The following PLXNA4 variants were observed in gnomAD, a reference collection of about 807,000 sequenced individuals.
PLXNA4 encodes the protein plexin A4.
PLXNA4 carries 44 observed loss-of-function variants against 191.8 expected under a neutral mutation model. That is an observed-to-expected ratio of 0.23 (90% confidence interval 0.18 to 0.29). The LOEUF (loss-of-function observed/expected upper bound fraction) is 0.29. Among genes scored for constraint, PLXNA4 ranks in the 10% least tolerant of loss-of-function variants. The pLI, the probability that PLXNA4 is intolerant of heterozygous loss-of-function variation, is 1.00. For synonymous variants in PLXNA4, 1,082 were observed against 1,009.5 expected (o/e 1.07, Z -1.36); for missense variants, 1,800 against 2,488.8 (o/e 0.72, Z 5.89).
chr7:132,338,482 T>A (rs900789411), intron 3 of PLXNA4, among the ~76,000 whole-genome samples: 1 of 152,272 alleles, frequency 6.6e-6, no homozygotes, highest in East Asian at 1.9e-4. Flanking sequence ...TGTAATATGA[T>A]GTCAGTAAAA....
chr7:132,164,315 A>G (rs1433338539), intron 23 of PLXNA4, 27 bp from the exon 24 acceptor site: 58 of 1,612,032 alleles, frequency 3.6e-5, no homozygotes, highest in Non-Finnish European at 4.8e-5. Context: ...CGTCATTAGG[A>G]GGAGCTCTTG....
chr7:132,341,428 A>G (rs766938856), intron 3 of PLXNA4, among the ~76,000 whole-genome samples: 2 of 152,238 alleles, frequency 1.3e-5, no homozygotes, highest in Admixed American at 6.5e-5. Flanking sequence ...ATTGTGAGGG[A>G]AAAATGTGTC....
chr7:132,355,483 G>A (rs1387322812), intron 3 of PLXNA4, among the ~76,000 whole-genome samples: 1 of 152,200 alleles, frequency 6.6e-6, no homozygotes, highest in African/African-American at 2.4e-5. Flanking sequence ...AGCAAAAAGT[G>A]CACCCCACTT....
At chr7:132,135,501 C>A (rs1021605759) in intron 30 of PLXNA4, among the ~76,000 whole-genome samples, 3 of 152,100 alleles carry the variant, frequency 2.0e-5, no homozygotes, top group African/African-American at 7.2e-5. Flanking sequence ...TTATAGTCCC[C>A]GAGGTGTAAG....
At chr7:132,642,425 G>A (rs962061691) in intron 2 of PLXNA4, among the ~76,000 whole-genome samples, 2 of 151,994 alleles carry the variant, frequency 1.3e-5, no homozygotes, top group Non-Finnish European at 2.9e-5. Flanking sequence ...GGGATGAACA[G>A]GGTTGCCCTT....
chr7:132,378,710 G>C (rs912058747), intron 3 of PLXNA4, among the ~76,000 whole-genome samples: 1 of 152,102 alleles, frequency 6.6e-6, no homozygotes, highest in Non-Finnish European at 1.5e-5. Context: ...TTATTGAAAA[G>C]TCCCTCCCAC....
chr7:132,233,524 G>A (rs1002430056), intron 5 of PLXNA4, among the ~76,000 whole-genome samples: 1 of 152,228 alleles, frequency 6.6e-6, no homozygotes, highest in Admixed American at 6.5e-5. Context: ...AGGTTCTACT[G>A]TAATTTTCCC....
intron 1 of PLXNA4, among the ~76,000 whole-genome samples, chr7:132,521,820 C>A (rs1232132231): frequency 6.6e-6 from 1 of 152,120 alleles, no homozygotes; most frequent in Non-Finnish European, 1.5e-5. Context: ...AAATCAACAC[C>A]AGGTCCTAAC....
chr7:132,474,311 T>C (rs73442727), intron 3 of PLXNA4, among the ~76,000 whole-genome samples: 4,311 of 151,520 alleles, frequency 0.028, 128 homozygotes, highest in African/African-American at 0.074. Context: ...AAAATTAGTT[T>C]AGATTGTAAA....
intron 3 of PLXNA4, among the ~76,000 whole-genome samples, chr7:132,380,861 G>A (rs1585057851): frequency 6.6e-6 from 1 of 152,208 alleles, no homozygotes; most frequent in South Asian, 2.1e-4. Flanking sequence ...CAAGAGCCAC[G>A]CCTTAGGGGG....
chr7:132,449,162 T>C (rs532929334), intron 3 of PLXNA4, among the ~76,000 whole-genome samples: 1 of 152,312 alleles, frequency 6.6e-6, no homozygotes, highest in Admixed American at 6.5e-5. Context: ...CATGACCTTA[T>C]AAGTTATCTT....
At chr7:132,132,123 G>A (rs1454008628) in intron 31 of PLXNA4, among the ~76,000 whole-genome samples, 2 of 152,234 alleles carry the variant, frequency 1.3e-5, no homozygotes, top group Non-Finnish European at 2.9e-5. Flanking sequence ...CTGACTAGAA[G>A]CCCAGGAAGA....
At chr7:132,646,221 T>C (rs1803863162) in intron 1 of PLXNA4, among the ~76,000 whole-genome samples, 2 of 152,100 alleles carry the variant, frequency 1.3e-5, no homozygotes, top group African/African-American at 2.4e-5. Flanking sequence ...GGTGTTTTTT[T>C]CCCTGGAAGA....
chr7:132,195,178 T>A lies in PLXNA4; in HGVS notation c.2739-999A>T, dbSNP rs1797217803. Among the ~76,000 whole-genome samples, 2 of 144,680 alleles carry A rather than the reference T, an allele frequency of 1.4e-5. 1 individual carries two copies. Among genetic ancestry groups the A allele is most frequent in the Admixed American group, 1.4e-4 (2 of 14,544 alleles). The allele number at this position is 144,680 out of a possible 152,430, so 94.9% of individuals were successfully genotyped here. On this transcript the variant is annotated intron_variant, in intron 13 of 31. Coordinates refer to ENST00000321063, the MANE Select transcript of PLXNA4 (RefSeq NM_020911.2). ...ACATGCATACGTAAGGAAAGATATA[T>A]GTGTTTTTTTAAAATAAAAGCAAAA...
intron 1 of PLXNA4, among the ~76,000 whole-genome samples, chr7:132,550,514 G>A (rs1248891574): frequency 6.6e-6 from 1 of 152,206 alleles, no homozygotes; most frequent in Non-Finnish European, 1.5e-5. Context: ...TCAGCTGCAG[G>A]AGGCAATTAG....
intron 3 of PLXNA4, among the ~76,000 whole-genome samples, chr7:132,479,988 TA>T (rs1797276201): frequency 1.3e-5 from 2 of 152,090 alleles, no homozygotes; most frequent in African/African-American, 4.8e-5. Context: ...GAGGTTTGAC[TA>T]TATAAAGAAC....
At chr7:132,363,840 CA>C (rs940233345) in intron 3 of PLXNA4, among the ~76,000 whole-genome samples, 31 of 152,330 alleles carry the variant, frequency 2.0e-4, no homozygotes, top group African/African-American at 6.7e-4. Flanking sequence ...TGAAGGGTCA[CA>C]AAGAGATAAA....
At chr7:132,256,370 G>A (rs1799431714) in intron 4 of PLXNA4, among the ~76,000 whole-genome samples, 4 of 152,174 alleles carry the variant, frequency 2.6e-5, no homozygotes, top group Admixed American at 6.5e-5. Context: ...AGCCTGCTTC[G>A]GATGTTGCTG....
chr7:132,386,482 G>A (rs1283677847), intron 3 of PLXNA4, among the ~76,000 whole-genome samples: 1 of 152,176 alleles, frequency 6.6e-6, no homozygotes, highest in African/African-American at 2.4e-5. Flanking sequence ...TTGTTTTGCA[G>A]CCTAGCTTTT....
Sources: allele counts gnomAD v4.1 joint callset (sites outside exome capture counted in the v4.1 genomes callset), GRCh38; gene constraint gnomAD v4.1.1; transcripts MANE v1.5; gene names NCBI Gene and HGNC (gene_info 2026-07-23, HGNC 2026-07-21).